Variants in STK32B observed in about 807,000 individuals in gnomAD.
STK32B encodes serine/threonine-protein kinase 32B.
A neutral mutation model predicts 52.6 loss-of-function variants in STK32B; 43 were observed. The observed-to-expected ratio is 0.82, with a 90% CI of 0.64 to 1.05. The LOEUF (loss-of-function observed/expected upper bound fraction) is 1.05. Ranked by LOEUF, STK32B falls within the 50% of genes least tolerant of loss-of-function variation. The probability of loss-of-function intolerance (pLI) is 0.00; values close to 1 mark genes in which losing one functional copy is unlikely to be tolerated. For synonymous variants in STK32B, 238 were observed against 204.3 expected (o/e 1.17, Z -1.41); for missense variants, 621 against 534.6 (o/e 1.16, Z -1.59).
intron 3 of STK32B, among the ~76,000 whole-genome samples, chr4:5,237,290 G>T (rs1255861383): frequency 6.6e-6 from 1 of 152,210 alleles, no homozygotes; most frequent in Non-Finnish European, 1.5e-5. Flanking sequence ...TTTCCTGGGT[G>T]GGACATTGTG....
intron 4 of STK32B, among the ~76,000 whole-genome samples, chr4:5,344,268 C>A (rs1017491044): frequency 1.7e-4 from 26 of 152,166 alleles, no homozygotes; most frequent in African/African-American, 6.0e-4. Flanking sequence ...GGTACATTTT[C>A]AGGCTTTTTT....
chr4:5,148,911 G>C (rs1717128014), intron 2 of STK32B, among the ~76,000 whole-genome samples: 1 of 151,718 alleles, frequency 6.6e-6, no homozygotes, highest in East Asian at 1.9e-4. Context: ...GTTGTTAGAT[G>C]CATACATATT....
At chr4:5,425,975 T>C (rs1577479830) in intron 6 of STK32B, among the ~76,000 whole-genome samples, 2 of 152,232 alleles carry the variant, frequency 1.3e-5, no homozygotes, top group East Asian at 1.9e-4. Context: ...TTGCTGGATA[T>C]ACATACACGT....
chr4:5,030,781 A>G, the STK32B span, among the ~76,000 whole-genome samples: 55 of 152,288 alleles, frequency 3.6e-4, no homozygotes, highest in African/African-American at 1.3e-3. Context: ...GACTCAATAC[A>G]TATTCACTGA....
intron 4 of STK32B, among the ~76,000 whole-genome samples, chr4:5,336,418 ACAT>A (rs1487409314): frequency 6.6e-6 from 1 of 152,124 alleles, no homozygotes; most frequent in Non-Finnish European, 1.5e-5. Flanking sequence ...TCTAACTTGA[ACAT>A]CAGGATCCGA....
chr4:5,287,709 T>A (rs1446456998), intron 3 of STK32B, among the ~76,000 whole-genome samples: 1 of 152,084 alleles, frequency 6.6e-6, no homozygotes, highest in African/African-American at 2.4e-5. Context: ...ACACAAATGG[T>A]AGTATATTAA....
At chr4:5,125,276 C>G (rs376486277) in intron 1 of STK32B, among the ~76,000 whole-genome samples, 10 of 152,326 alleles carry the variant, frequency 6.6e-5, no homozygotes, top group Non-Finnish European at 1.3e-4. Context: ...ACCTACAGAA[C>G]AGTGAGTTAG....
At chr4:5,442,646 G>T (rs59583815) in intron 6 of STK32B, among the ~76,000 whole-genome samples, 91 of 151,576 alleles carry the variant, frequency 6.0e-4, no homozygotes, top group African/African-American at 1.9e-3. Context: ...ATCCTGTCAT[G>T]ATGATGTTAG....
chr4:5,186,966 G>A lies in STK32B; in HGVS notation c.260+18516G>A, dbSNP rs570588890. 2.1e-3 allele frequency among the ~76,000 whole-genome samples: 317 copies of A among 152,314 alleles called. 1 individual carries two copies. The highest frequency in any genetic ancestry group is 7.4e-3 in the African/African-American group (309 of 41,558). On this transcript the variant is annotated intron_variant, in intron 3 of 11. Coordinates refer to ENST00000282908, the MANE Select transcript of STK32B (RefSeq NM_018401.3). ...CACAGGATGCACCTGCCCGCACTCC[G>A]ACACTCAGGGGGCCTGTGCTGAGCT...
At chr4:5,040,519 G>A in the STK32B span, among the ~76,000 whole-genome samples, 6 of 150,664 alleles carry the variant, frequency 4.0e-5, no homozygotes, top group Non-Finnish European at 7.4e-5. Context: ...TCAGCTTCCC[G>A]AGTAGCTGGG....
At position 5,051,810 on chromosome 4, in the gene STK32B, C is replaced by G. The variant is rs572953142; in HGVS notation, c.-54C>G. On this transcript the variant is annotated 5_prime_UTR_variant, in exon 1 of 12. Coordinates refer to ENST00000282908, the MANE Select transcript of STK32B (RefSeq NM_018401.3). The stretch of plus-strand genomic sequence containing the variant: ...CGCATCTCTGCGCGCGTCCCACATC[C>G]CGCATCCGGCATCCCAGCGGCCGGG... 3.8e-6 allele frequency: 6 copies of G among 1,560,988 alleles called. No homozygotes were observed. In the South Asian group the frequency reaches 4.7e-5, roughly 12 times the overall value.
At chr4:5,462,569 C>A (rs755611353) in intron 9 of STK32B, among the ~76,000 whole-genome samples, 5 of 152,164 alleles carry the variant, frequency 3.3e-5, no homozygotes, top group Admixed American at 6.5e-5. Context: ...ATCTGTGTCC[C>A]CCAAACACCT....
chr4:5,352,068 A>G (rs1733862420), intron 4 of STK32B, among the ~76,000 whole-genome samples: 1 of 152,132 alleles, frequency 6.6e-6, no homozygotes, highest in African/African-American at 2.4e-5. Context: ...AAAAGTGAAG[A>G]GAAAGAAACT....
the STK32B span, among the ~76,000 whole-genome samples, chr4:5,027,165 G>T: frequency 0.025 from 3,789 of 152,308 alleles, 82 homozygotes; most frequent in Admixed American, 0.033. Flanking sequence ...TATGTGATGT[G>T]TTTTTGAGCT....
intron 1 of STK32B, among the ~76,000 whole-genome samples, chr4:5,071,953 A>C (rs930205815): frequency 4.6e-5 from 7 of 152,296 alleles, no homozygotes; most frequent in African/African-American, 1.7e-4. Flanking sequence ...AGGCCATGGC[A>C]TGCAGGTTGC....
intron 1 of STK32B, among the ~76,000 whole-genome samples, chr4:5,066,979 T>C (rs1359404678): frequency 1.3e-5 from 2 of 152,236 alleles, no homozygotes; most frequent in African/African-American, 4.8e-5. Context: ...TGTGGCTCTT[T>C]CATTAAGTCA....
chr4:5,420,043 G>A (rs1479888553), intron 6 of STK32B, among the ~76,000 whole-genome samples: 1 of 152,056 alleles, frequency 6.6e-6, no homozygotes, highest in Non-Finnish European at 1.5e-5. Context: ...TTCTTTTAAT[G>A]CCCTCGAACA....
chr4:5,151,146 T>C (rs1480541852), intron 2 of STK32B, among the ~76,000 whole-genome samples: 1 of 152,184 alleles, frequency 6.6e-6, no homozygotes, highest in African/African-American at 2.4e-5. Context: ...TTTTGGGTTG[T>C]AGCAATTTCT....
At chr4:5,246,624 G>C (rs28784937) in intron 3 of STK32B, among the ~76,000 whole-genome samples, 1 of 152,098 alleles carries the variant, frequency 6.6e-6, no homozygotes, top group African/African-American at 2.4e-5. Flanking sequence ...GAGGAGCTGC[G>C]TTCCTTTGGA....
Sources: gnomAD v4.1 joint callset for allele counts (sites outside exome capture counted in the v4.1 genomes callset) on GRCh38, gnomAD v4.1.1 for gene constraint, MANE v1.5 for transcripts, NCBI Gene and HGNC (gene_info 2026-07-23, HGNC 2026-07-21) for gene names.